TRPA1: variants seen among roughly 807,000 people sequenced by gnomAD.
TRPA1 encodes transient receptor potential cation channel subfamily A member 1, also known as ankyrin-like with transmembrane domains 1.
TRPA1 carries 129 observed loss-of-function variants against 131.3 expected under a neutral mutation model. The observed-to-expected ratio is 0.98, with a 90% confidence interval of 0.85 to 1.14. The LOEUF (loss-of-function observed/expected upper bound fraction) is 1.14, where lower values mean the gene tolerates loss of function less well. TRPA1 is among the 50% of genes most tolerant of loss of function. The pLI is 0.00. For missense variants in TRPA1, 1,304 were observed against 1,354.2 expected, an observed-to-expected ratio of 0.96 and a Z score of 0.58; for synonymous variants, 441 against 451.7, an observed-to-expected ratio of 0.98 and a Z score of 0.30.
chr8:72,036,400 C>G lies in TRPA1; in HGVS notation c.2443G>C (p.Gly815Arg). The G allele has an allele frequency of 6.2e-7, 1 of 1,614,014 alleles. No individual in the cohort carries two copies. The highest frequency in any genetic ancestry group is 8.5e-7 in the Non-Finnish European group (1 of 1,179,984). ...NVLEWIIYTT[G>R]IIFVLPLFVE... ...AACAAGGGCAGCACAAAAATGATGC[C>G]CGTCGTGTAGATAATCCATTCAAGA... The change falls in exon 21 of 27, where the codon GGC becomes CGC. Residue 815 changes from glycine (G) to arginine (R), a missense_variant. Physicochemically the swap from Gly to Arg is moderately radical, Grantham distance 125 (BLOSUM62 -2). Transcript: ENST00000262209.
Position 72,038,866 on chromosome 8 carries a change from G to T in TRPA1, c.2294C>A (p.Thr765Lys), listed in dbSNP as rs74545891. ...TAGAAAGTTAAAATTTGAAATTACC[G>T]TGGTATCTAGTATTTCTGAATGATC... ...TSDHSEILDT[T>K]NSYLIKTCMI... The change falls in exon 19 of 27, where the codon ACG becomes AAG. Residue 765 changes from threonine to lysine, a missense_variant and splice_region_variant. By Grantham distance (78) the Thr-to-Lys change is moderately conservative. Transcript: ENST00000262209. The T allele has an allele frequency of 6.2e-7, 1 of 1,609,028 alleles. No individual in the cohort carries two copies. The highest frequency in any genetic ancestry group is 8.5e-7 in the Non-Finnish European group (1 of 1,177,338).
At chr8:72,056,838 C>G (rs1042448911) in intron 10 of TRPA1, 79 bp downstream of exon 10, 1 of 1,015,694 alleles carries the variant, frequency 9.8e-7, no homozygotes, top group Admixed American at 2.1e-5. Flanking sequence ...TATATAATAA[C>G]AAAAATTATA....
chr8:72,047,720 C>G (rs186710652), intron 15 of TRPA1, among the ~76,000 whole-genome samples: 1 of 152,140 alleles, frequency 6.6e-6, no homozygotes, highest in East Asian at 1.9e-4. Flanking sequence ...TCAGGCTATG[C>G]TTTTAAGGAG....
Position 72,022,842 on chromosome 8 carries a change from A to G in TRPA1, c.*64T>C. On this transcript the variant is annotated 3_prime_UTR_variant, in exon 27 of 27. Transcript: ENST00000262209. The stretch of plus-strand genomic sequence containing the variant: ...TCTGCTTCTTCCTCACTCTTTTTAA[A>G]TTGAAAGTTAGAACCAGCAAGTCAT... The G allele has an allele frequency of 1.4e-6, 2 of 1,455,474 alleles. No individual in the cohort carries two copies. The highest frequency in any genetic ancestry group is 1.9e-6 in the Non-Finnish European group (2 of 1,039,636). The allele number at this position is 1,455,474 out of a possible 1,614,324, so 90.2% of individuals were successfully genotyped here.
intron 23 of TRPA1, among the ~76,000 whole-genome samples, chr8:72,032,632 A>G (rs1043534244): frequency 4.3e-4 from 65 of 152,192 alleles, no homozygotes; most frequent in African/African-American, 1.5e-3. Context: ...AACCTGTACT[A>G]CTGCTAAGCC....
intron 15 of TRPA1, among the ~76,000 whole-genome samples, chr8:72,049,455 A>G (rs560993885): frequency 4.7e-4 from 71 of 152,246 alleles, no homozygotes; most frequent in African/African-American, 1.6e-3. Context: ...TCCCTGTGTC[A>G]TTATATCTTA....
Position 72,025,946 on chromosome 8 carries a change from T to C in TRPA1, c.3051+14A>G. The C allele has an allele frequency of 1.3e-6, 2 of 1,598,166 alleles. No individual in the cohort carries two copies. The highest frequency in any genetic ancestry group is 1.7e-6 in the Non-Finnish European group (2 of 1,165,962). ...GTCATGTTACTGATGTTGTTATTTG[T>C]TATGTGTACTTACGAATAACATCCC... On this transcript the variant is annotated intron_variant, in intron 25 of 26. Transcript: ENST00000262209.
intron 25 of TRPA1, among the ~76,000 whole-genome samples, chr8:72,024,239 G>A (rs141112474): frequency 2.6e-5 from 4 of 152,246 alleles, no homozygotes; most frequent in Admixed American, 1.3e-4. Context: ...TATTCTATAC[G>A]AGATTCATTG....
chr8:72,025,975 A>G lies in TRPA1; in HGVS notation c.3036T>C (p.Ser1012=), dbSNP rs1811592794. The change falls in exon 25 of 27, where the codon TCT becomes TCC. Residue 1012 remains serine, a synonymous_variant. Coordinates refer to ENST00000262209, the MANE Select transcript of TRPA1 (RefSeq NM_007332.3). ...STIVYPNKPR[S]GGMLFHIFCF... ...GTGTACTTACGAATAACATCCCACC[A>G]GATCTGGGTTTGTTGGGATACACGA... is the stretch of plus-strand genomic sequence containing the variant. 3 of 1,613,674 alleles carry G rather than the reference A, an allele frequency of 1.9e-6. No homozygotes were observed. Among genetic ancestry groups the G allele is most frequent in the Non-Finnish European group, 1.7e-6 (2 of 1,179,772 alleles).
At position 72,046,576 on chromosome 8, in the gene TRPA1, T is replaced by C. The variant is rs1805328775; in HGVS notation, c.1998A>G (p.Pro666=). The C allele has an allele frequency of 1.3e-6, 2 of 1,598,200 alleles. No homozygotes were observed. Among genetic ancestry groups the C allele is most frequent in the East Asian group, 4.5e-5 (2 of 44,590 alleles). The change falls in exon 17 of 27, where the codon CCA becomes CCG. Residue 666 remains proline, a synonymous_variant. Coordinates refer to ENST00000262209, the MANE Select transcript of TRPA1 (RefSeq NM_007332.3). ...TAGGTGTTTTTTTGGTGAATTCTAA[T>C]GGACATTGAAGATATTTGAAATTAT... ...IEYNFKYLQC[P]LEFTKKTPTQ...
intron 1 of TRPA1, among the ~76,000 whole-genome samples, chr8:72,072,561 G>C (rs1004894409): frequency 6.6e-6 from 1 of 152,102 alleles, no homozygotes; most frequent in African/African-American, 2.4e-5. Flanking sequence ...GTGACTACAG[G>C]ATATGACAAT....
chr8:72,051,908 C>G (rs889390729), intron 14 of TRPA1, among the ~76,000 whole-genome samples: 21 of 152,102 alleles, frequency 1.4e-4, no homozygotes, highest in Non-Finnish European at 5.9e-5. Context: ...GAAATATAAA[C>G]TAAAGATCAG....
intron 3 of TRPA1, among the ~76,000 whole-genome samples, chr8:72,067,712 T>C (rs2129436487): frequency 1.3e-5 from 2 of 152,318 alleles, no homozygotes; most frequent in Middle Eastern, 3.4e-3. Flanking sequence ...GGAGTCCCTG[T>C]AGTCACTAGT....
At chr8:72,042,921 G>A (rs1403912052) in intron 17 of TRPA1, among the ~76,000 whole-genome samples, 1 of 151,804 alleles carries the variant, frequency 6.6e-6, no homozygotes, top group Admixed American at 6.6e-5. Context: ...GATGATGGAA[G>A]TTACTGTTTA....
intron 1 of TRPA1, among the ~76,000 whole-genome samples, 154 bp from the exon 2 acceptor site, chr8:72,072,021 G>A (rs10100221): frequency 0.3 from 45,203 of 151,962 alleles, 7,075 homozygotes; most frequent in Middle Eastern, 0.44. Flanking sequence ...AAATGTTTAC[G>A]GACACAAAGA....
At chr8:72,044,001 A>G (rs183288530) in intron 17 of TRPA1, among the ~76,000 whole-genome samples, 2 of 151,996 alleles carry the variant, frequency 1.3e-5, no homozygotes, top group East Asian at 3.9e-4. Context: ...TTCCAGTTTA[A>G]AAACTACTAC....
intron 13 of TRPA1, chr8:72,052,994 T>TGTGTGTGTGTGTGTGAGAGAGA (rs1491537785): frequency 6.1e-6 from 2 of 330,292 alleles, no homozygotes; most frequent in African/African-American, 2.7e-5. Context: ...TGTGTGTGTG[T>TGTGTGTGTGTGTGTGAGAGAGA]GAGAGATAGA....
Position 72,061,749 on chromosome 8 carries a change from T to A in TRPA1, c.820A>T (p.Thr274Ser). The change falls in exon 7 of 27, where the codon ACA becomes TCA. Residue 274 changes from threonine (T) to serine (S), a missense_variant. Thr to Ser is a moderately conservative substitution (Grantham distance 58). Coordinates refer to ENST00000262209, the MANE Select transcript of TRPA1 (RefSeq NM_007332.3). ...TGGGTGGCAGCAAAATGAATGGCTG[T>A]GCACCTTCCCTTCTGTAAAGGGTTT... ...QIDPVEKGRC[T>S]AIHFAATQGA... 6.2e-7 allele frequency: 1 copy of A among 1,613,984 alleles called. No homozygotes were observed. Among genetic ancestry groups the A allele is most frequent in the Non-Finnish European group, 8.5e-7 (1 of 1,179,918 alleles).
chr8:72,030,095 C>T, intron 23 of TRPA1, 126 bp from the exon 24 acceptor site: 1 of 898,684 alleles, frequency 1.1e-6, no homozygotes, highest in Non-Finnish European at 1.8e-6. Context: ...GTATAAATAG[C>T]ATAAGTTAAT....
Sources: allele counts gnomAD v4.1 joint callset (sites outside exome capture counted in the v4.1 genomes callset), GRCh38; gene constraint gnomAD v4.1.1; transcripts MANE v1.5; gene names NCBI Gene and HGNC (gene_info 2026-07-23, HGNC 2026-07-21).